TRIM61: variants seen among roughly 807,000 people sequenced by gnomAD.
The protein encoded by TRIM61 is tripartite motif containing 61.
A neutral mutation model predicts 14.2 loss-of-function variants in TRIM61; 1 was observed. The observed-to-expected ratio is 0.07, with a 90% confidence interval of 0.03 to 0.33. The LOEUF is 0.33. Ranked by LOEUF, TRIM61 falls within the 10% of genes least tolerant of loss-of-function variation. The probability of loss-of-function intolerance (pLI) is 0.99; values close to 1 mark genes in which losing one functional copy is unlikely to be tolerated. For synonymous variants in TRIM61, 8 were observed against 71.6 expected (o/e 0.11, Z 4.49); for missense variants, 19 against 202.2 (o/e 0.09, Z 5.49).
At chr4:164,962,692 T>TAAAAAAAAAAAA (rs145808366) in intron 3 of TRIM61, among the ~76,000 whole-genome samples, 1 of 139,774 alleles carries the variant, frequency 7.2e-6, no homozygotes, top group African/African-American at 2.6e-5. Context: ...CAAGAAATGT[T>TAAAAAAAAAAAA]AAAAAAAAAA....
chr4:164,971,575 A>T (rs1030646831), intron 2 of TRIM61, among the ~76,000 whole-genome samples: 4 of 150,416 alleles, frequency 2.7e-5, no homozygotes. Context: ...TGGGTGACAG[A>T]GGGAAACTCT....
intron 2 of TRIM61, 43 bp downstream of exon 2, chr4:164,976,645 A>G (rs948871047): frequency 7.2e-5 from 11 of 152,336 alleles, no homozygotes; most frequent in African/African-American, 2.6e-4. Context: ...AAAACATTCC[A>G]CTGGTCCTTT....
intron 2 of TRIM61, among the ~76,000 whole-genome samples, chr4:164,971,116 T>C (rs1323233149): frequency 6.6e-6 from 1 of 151,720 alleles, no homozygotes; most frequent in Non-Finnish European, 1.5e-5. Context: ...TCAAAAAAAA[T>C]GGGGAACAAA....
intron 3 of TRIM61, among the ~76,000 whole-genome samples, chr4:164,963,893 CAG>C (rs1732186190): frequency 6.6e-6 from 1 of 151,946 alleles, no homozygotes; most frequent in African/African-American, 2.4e-5. Context: ...GAGTGAGTCT[CAG>C]GGAAATTAAA....
intron 3 of TRIM61, chr4:164,957,336 C>T: frequency 6.2e-7 from 1 of 1,614,090 alleles, no homozygotes; most frequent in African/African-American, 1.3e-5. Flanking sequence ...AGCATTCCGG[C>T]TGTCACGCCA....
chr4:164,967,829 A>C (rs1238678912), intron 3 of TRIM61, among the ~76,000 whole-genome samples: 2 of 151,550 alleles, frequency 1.3e-5, no homozygotes, highest in African/African-American at 4.9e-5. Context: ...GAAAAATAAA[A>C]ACTTTAGTTA....
rs187340500 is a variant in TRIM61 at position 164,968,084 on chromosome 4, G to A, written c.525+1394C>T. 206 of 793,724 alleles carry A rather than the reference G, an allele frequency of 2.6e-4. 2 individuals carry two copies. In the African/African-American group the frequency reaches 3.4e-3, roughly 13 times the overall value. 49.2% of individuals were successfully genotyped at this position (793,724 alleles called of 1,614,324 possible). On this transcript the variant is annotated intron_variant, in intron 3 of 4. Transcript: ENST00000329314. ...GAAGAATAGCTTGAACCTGGGAGAC[G>A]GAGGTTGCAGTGAGCCGAGATCCTG...
intron 3 of TRIM61, chr4:164,958,712 A>G (rs1362172595): frequency 6.0e-6 from 1 of 166,488 alleles, no homozygotes; most frequent in Non-Finnish European, 1.5e-5. Flanking sequence ...TGCTTCCCAC[A>G]TTATGAATTT....
chr4:164,968,232 T>C, intron 3 of TRIM61, 49 bp downstream of exon 3: 2 of 982,572 alleles, frequency 2.0e-6, no homozygotes, highest in Non-Finnish European at 2.4e-6. Context: ...TAATGATGAA[T>C]GCCTTTAATA....
intron 3 of TRIM61, among the ~76,000 whole-genome samples, chr4:164,955,462 G>A (rs1349080595): frequency 1.3e-5 from 2 of 151,650 alleles, no homozygotes; most frequent in African/African-American, 4.8e-5. Flanking sequence ...CGAGTAGTGT[G>A]GGAGGCCCAG....
intron 3 of TRIM61, chr4:164,959,223 T>C (rs1732080173): frequency 6.1e-6 from 1 of 165,272 alleles, no homozygotes; most frequent in Admixed American, 6.5e-5. Context: ...ATTCATTTTC[T>C]TTATAGTGCT....
intron 3 of TRIM61, chr4:164,958,533 A>T (rs145749945): frequency 6.0e-6 from 1 of 166,972 alleles, no homozygotes; most frequent in African/African-American, 2.4e-5. Context: ...TCAATTCTGA[A>T]TTGTCTGCCA....
intron 3 of TRIM61, chr4:164,968,570 C>CT: frequency 5.1e-6 from 5 of 985,678 alleles, no homozygotes; most frequent in Non-Finnish European, 6.0e-6. Flanking sequence ...GTGAAAGAAA[C>CT]TGAGTCTTCT....
At chr4:164,960,569 G>GA (rs1732111112) in intron 3 of TRIM61, among the ~76,000 whole-genome samples, 1 of 148,320 alleles carries the variant, frequency 6.7e-6, no homozygotes, top group Admixed American at 6.7e-5. Flanking sequence ...AAAAAAAAAG[G>GA]AAAAAAAATT....
intron 2 of TRIM61, among the ~76,000 whole-genome samples, chr4:164,971,378 G>A (rs1402636125): frequency 6.6e-6 from 1 of 152,070 alleles, no homozygotes; most frequent in Non-Finnish European, 1.5e-5. Context: ...GATCACCTGA[G>A]GTCAGGTGTT....
intron 3 of TRIM61, among the ~76,000 whole-genome samples, chr4:164,961,573 A>G (rs561505975): frequency 1.3e-5 from 2 of 152,198 alleles, no homozygotes; most frequent in African/African-American, 4.8e-5. Flanking sequence ...AAAAATAAAA[A>G]AAGAGCAGAA....
At chr4:164,970,597 A>C (rs1444308584) in intron 2 of TRIM61, among the ~76,000 whole-genome samples, 2 of 152,192 alleles carry the variant, frequency 1.3e-5, no homozygotes, top group Admixed American at 6.5e-5. Context: ...CTTTCCAAAA[A>C]TATTGCCATT....
chr4:164,958,900 T>C (rs1732072408), intron 3 of TRIM61: 1 of 167,120 alleles, frequency 6.0e-6, no homozygotes, highest in Non-Finnish European at 1.5e-5. Flanking sequence ...TTAGACATTT[T>C]AAATTAACAT....
chr4:164,959,575 C>G (rs994963645), intron 3 of TRIM61, among the ~76,000 whole-genome samples: 1 of 152,126 alleles, frequency 6.6e-6, no homozygotes, highest in East Asian at 1.9e-4. Context: ...GCCACACATG[C>G]CTGAGACCAA....
Sources: gnomAD v4.1 joint callset for allele counts (sites outside exome capture counted in the v4.1 genomes callset) on GRCh38, gnomAD v4.1.1 for gene constraint, MANE v1.5 for transcripts, NCBI Gene and HGNC (gene_info 2026-07-23, HGNC 2026-07-21) for gene names.